RXRA: variants seen among roughly 807,000 people sequenced by gnomAD.
RXRA encodes retinoic acid receptor RXR-alpha.
A neutral mutation model predicts 44.5 loss-of-function variants in RXRA; 5 were observed. The ratio of observed to expected loss-of-function variants is 0.11; its 90% CI spans 0.06 to 0.24. The LOEUF (loss-of-function observed/expected upper bound fraction) is 0.24. RXRA is among the 10% of genes least tolerant of loss of function. The pLI, the probability that RXRA is intolerant of heterozygous loss-of-function variation, is 1.00. For synonymous variants in RXRA, 291 were observed against 271.4 expected, an observed-to-expected ratio of 1.07 and a Z score of -0.71; for missense variants, 412 against 646.5, an observed-to-expected ratio of 0.64 and a Z score of 3.93.
At chr9:134,428,824 G>C (rs1369579180) in intron 6 of RXRA, among the ~76,000 whole-genome samples, 4 of 152,214 alleles carry the variant, frequency 2.6e-5, no homozygotes, top group Non-Finnish European at 5.9e-5. Flanking sequence ...TGCACACGCG[G>C]GAGGAAGCTT....
At chr9:134,402,861 G>A (rs1298969710) in intron 2 of RXRA, 1 of 149,242 alleles carries the variant, frequency 6.7e-6, no homozygotes, top group Admixed American at 6.7e-5. Flanking sequence ...TGTGTTCCTA[G>A]TAGCTGAAGG....
rs139539188 is a variant in RXRA, at chr9:134,391,354, G to A, written c.29-10278G>A. Among the ~76,000 whole-genome samples the A allele has an allele frequency of 8.5e-3, 1,297 of 152,294 alleles. 21 individuals carry two copies. Among genetic ancestry groups the A allele is most frequent in the African/African-American group, 0.03 (1,235 of 41,554 alleles). The stretch of plus-strand genomic sequence containing the variant: ...CGCCCTGAGGGTGGAAAGCCTGGCC[G>A]TTCCACGACAGAGCTGCTGGCAGCG... On this transcript the variant is annotated intron_variant, in intron 1 of 9. Coordinates refer to ENST00000481739, the MANE Select transcript of RXRA (RefSeq NM_002957.6).
intron 6 of RXRA, chr9:134,423,969 GC>G: frequency 2.0e-6 from 2 of 985,430 alleles, no homozygotes; most frequent in Non-Finnish European, 2.4e-6. Flanking sequence ...TGGGGGCCTG[GC>G]GGAGGTCCGA....
chr9:134,357,563 C>A (rs751043766), intron 1 of RXRA, among the ~76,000 whole-genome samples: 3 of 152,048 alleles, frequency 2.0e-5, no homozygotes, highest in Non-Finnish European at 4.4e-5. Flanking sequence ...GTGGGAGACC[C>A]CCAGACCTGA....
rs58669992 is a variant in RXRA, at chr9:134,426,109, T to A, written c.911-2999T>A. On this transcript the variant is annotated intron_variant, in intron 6 of 9. Transcript: ENST00000481739. The surrounding 1 kb of genome is among the most constrained non-coding windows in gnomAD (Gnocchi z 4.6). ...AGTTCCTTGGGAAGGGCCAGCCTCT[T>A]GAGTTGGAGGACATAGTGACCAAGG... is the stretch of plus-strand genomic sequence containing the variant. 7.0e-4 allele frequency: 687 copies of A among 985,242 alleles called. 1 individual carries two copies. The African/African-American group carries it at 0.011, about 16-fold the overall frequency. The allele number at this position is 985,242 out of a possible 1,614,324, so 61.0% of individuals were successfully genotyped here.
At chr9:134,381,328 GAGCTCAGACCTTAGCT>G (rs1249232502) in intron 1 of RXRA, among the ~76,000 whole-genome samples, 7 of 151,984 alleles carry the variant, frequency 4.6e-5, no homozygotes, top group Non-Finnish European at 1.0e-4. Flanking sequence ...TGGAGGAGTT[GAGCTCAGACCTTAGCT>G]AGTGCTGACC....
chr9:134,382,176 A>G (rs1830656648), intron 1 of RXRA, among the ~76,000 whole-genome samples: 1 of 151,190 alleles, frequency 6.6e-6, no homozygotes, highest in South Asian at 2.1e-4. Flanking sequence ...CTGGGAGGTA[A>G]GGTTACCCTC....
At chr9:134,425,489 C>T in intron 6 of RXRA, 1 of 982,778 alleles carries the variant, frequency 1.0e-6, no homozygotes, top group Non-Finnish European at 1.2e-6. Flanking sequence ...GTTAGCTGCT[C>T]CAGCGGGGTC....
rs567787581 is a variant in RXRA at position 134,338,411 on chromosome 9, T to C, written c.28+11752T>C. The stretch of plus-strand genomic sequence containing the variant: ...GACACAGGCCACTTCTGGTCCCAGA[T>C]TGACGGGCCTCCAGCCCAAGTGGCA... On this transcript the variant is annotated intron_variant, in intron 1 of 9. Coordinates refer to ENST00000481739, the MANE Select transcript of RXRA (RefSeq NM_002957.6). Among the ~76,000 whole-genome samples, 3 of 152,344 alleles carry C rather than the reference T, an allele frequency of 2.0e-5. No individual in the cohort carries two copies. In the East Asian group the frequency reaches 5.8e-4, roughly 29 times the overall value.
chr9:134,415,734 AG>A (rs1831223368), intron 4 of RXRA, among the ~76,000 whole-genome samples: 1 of 152,108 alleles, frequency 6.6e-6, no homozygotes, highest in Non-Finnish European at 1.5e-5. Context: ...GGCACAAGGG[AG>A]GGAGGAACTG....
chr9:134,345,381 G>A (rs1403715106), intron 1 of RXRA, among the ~76,000 whole-genome samples: 5 of 152,182 alleles, frequency 3.3e-5, no homozygotes, highest in Admixed American at 1.3e-4. Flanking sequence ...GGTCAGCAGT[G>A]GGGGTACCTG....
At chr9:134,422,229 C>T in intron 6 of RXRA, 1 of 1,286,496 alleles carries the variant, frequency 7.8e-7, no homozygotes, top group African/African-American at 1.5e-5. Context: ...GGGACATACT[C>T]CCCACTCCTG....
Position 134,429,178 on chromosome 9 carries a change from C to T in RXRA, c.981C>T (p.Ala327=), listed in dbSNP as rs1831487769. 6.2e-7 allele frequency: 1 copy of T among 1,613,044 alleles called. No individual in the cohort carries two copies. The highest frequency in any genetic ancestry group is 8.5e-7 in the Non-Finnish European group (1 of 1,179,964). Residue 327 remains alanine (A), a synonymous_variant, in exon 7 of 10, where the codon GCC becomes GCT. Transcript: ENST00000481739. ...SIAVKDGILL[A]TGLHVHRNSA... is the part of the protein sequence containing the mutation. ...CCGTGAAGGACGGGATCCTCCTGGCCACCGGGCTGCACGTCCACCGGAACA... is the reference window on the plus strand; with the variant it reads ...CCGTGAAGGACGGGATCCTCCTGGCTACCGGGCTGCACGTCCACCGGAACA...
At chr9:134,333,690 CG>C (rs1338134338) in intron 1 of RXRA, among the ~76,000 whole-genome samples, 1 of 152,190 alleles carries the variant, frequency 6.6e-6, no homozygotes, top group Admixed American at 6.5e-5. Flanking sequence ...TGGGAAGCCC[CG>C]GGGAGGGATC....
At chr9:134,374,965 T>C (rs775573823) in intron 1 of RXRA, among the ~76,000 whole-genome samples, 1 of 151,998 alleles carries the variant, frequency 6.6e-6, no homozygotes, top group African/African-American at 2.4e-5. Context: ...CACAATGGAG[T>C]GGCCATGGCT....
intron 6 of RXRA, chr9:134,427,192 C>T (rs932986044): frequency 3.9e-5 from 38 of 976,294 alleles, no homozygotes; most frequent in Non-Finnish European, 4.6e-5. Flanking sequence ...AAAGAGGGTT[C>T]TGTGGTCAAA....
At chr9:134,345,059 G>C (rs904616862) in intron 1 of RXRA, among the ~76,000 whole-genome samples, 1 of 152,212 alleles carries the variant, frequency 6.6e-6, no homozygotes. Context: ...TCGAGCTGCA[G>C]TGTGGATGGG....
At chr9:134,412,382 C>T (rs1157836121) in intron 4 of RXRA, among the ~76,000 whole-genome samples, 1 of 152,206 alleles carries the variant, frequency 6.6e-6, no homozygotes, top group Non-Finnish European at 1.5e-5. Context: ...CATCCCAGTG[C>T]AGTGCTGCGA....
chr9:134,370,804 G>T (rs1830482241), intron 1 of RXRA, among the ~76,000 whole-genome samples: 1 of 152,246 alleles, frequency 6.6e-6, no homozygotes, highest in East Asian at 1.9e-4. Flanking sequence ...GGAGGGTCTG[G>T]GGTTGGAGGT....
Sources: gnomAD v4.1 joint callset for allele counts (sites outside exome capture counted in the v4.1 genomes callset) on GRCh38, gnomAD v4.1.1 for gene constraint, Gnocchi (gnomAD v3.1) non-coding constraint, MANE v1.5 for transcripts, NCBI Gene and HGNC (gene_info 2026-07-23, HGNC 2026-07-21) for gene names.